STK3: variants seen among roughly 807,000 people sequenced by gnomAD.
The protein encoded by STK3 is serine/threonine-protein kinase 3.
Under a neutral mutation model 58.0 loss-of-function variants are expected in STK3, and 41 were observed. That is an observed-to-expected ratio of 0.71 (90% CI 0.55 to 0.92). STK3 has a LOEUF of 0.92. STK3 is among the 40% of genes least tolerant of loss of function. STK3 has a pLI of 0.00. For missense variants in STK3, 479 were observed against 602.7 expected, an observed-to-expected ratio of 0.79 and a Z score of 2.15; for synonymous variants, 170 against 191.0, an observed-to-expected ratio of 0.89 and a Z score of 0.91.
chr8:98,423,347 G>A (rs181065658), intron 3 of STK3, among the ~76,000 whole-genome samples: 1 of 152,364 alleles, frequency 6.6e-6, no homozygotes, highest in Admixed American at 6.5e-5. Flanking sequence ...GAACCGCCAT[G>A]CCAAGCAGGG....
Position 98,612,454 on chromosome 8 carries a change from T to A in STK3, c.685-16285A>T, listed in dbSNP as rs1010940748. 3.3e-5 allele frequency among the ~76,000 whole-genome samples: 5 copies of A among 149,286 alleles called. No individual in the cohort carries two copies. In the South Asian group the frequency reaches 1.0e-3, roughly 31 times the overall value. Reference sequence around the variant, plus strand: ...CATATATATCAATTCTATATATATATCAACCCATATATATAGAGAGATTCT... The same window carrying A: ...CATATATATCAATTCTATATATATAACAACCCATATATATAGAGAGATTCT... On this transcript the variant is annotated intron_variant, in intron 6 of 10. Transcript: ENST00000419617.
chr8:98,562,653 C>T (rs372530571), intron 8 of STK3, among the ~76,000 whole-genome samples: 10 of 143,678 alleles, frequency 7.0e-5, no homozygotes, highest in Admixed American at 3.0e-4. Flanking sequence ...AAGAGTGAAC[C>T]TACTGAGGCA....
chr8:98,472,166 C>T (rs149350313), intron 10 of STK3, among the ~76,000 whole-genome samples: 258 of 152,160 alleles, frequency 1.7e-3, no homozygotes, highest in African/African-American at 5.6e-3. Context: ...AAAATGTGGC[C>T]AGGATTTGAA....
At chr8:98,595,771 A>T in intron 7 of STK3, 1 of 322,498 alleles carries the variant, frequency 3.1e-6, no homozygotes, top group Non-Finnish European at 5.7e-6. Context: ...GAACAGAAGA[A>T]AAAAAAAACA....
chr8:98,349,817 C>A, the STK3 span, among the ~76,000 whole-genome samples: 1 of 152,152 alleles, frequency 6.6e-6, no homozygotes, highest in Non-Finnish European at 1.5e-5. Flanking sequence ...GGACACAGGG[C>A]ACCAAATCCC....
intron 1 of STK3, among the ~76,000 whole-genome samples, chr8:98,918,060 G>A (rs1839408394): frequency 6.6e-6 from 1 of 152,216 alleles, no homozygotes; most frequent in South Asian, 2.1e-4. Context: ...CAGTCTTTAA[G>A]AAGGGATAAT....
At chr8:98,876,888 T>C (rs1269678621) in intron 3 of STK3, among the ~76,000 whole-genome samples, 1 of 152,228 alleles carries the variant, frequency 6.6e-6, no homozygotes, top group African/African-American at 2.4e-5. Context: ...GGCAATGTGC[T>C]TGTAAATTTG....
intron 1 of STK3, among the ~76,000 whole-genome samples, chr8:98,888,030 T>C (rs764306643): frequency 1.3e-5 from 2 of 152,032 alleles, no homozygotes; most frequent in South Asian, 4.1e-4. Context: ...AAGTCTGAAC[T>C]ATTGGGGGCC....
chr8:98,744,099 G>A lies in STK3; in HGVS notation c.351+5177C>T, dbSNP rs1166660435. ...GGAAACAACAGGTGCTGGAGAGGAT[G>A]TGGAGAAATAGGAACACTTTTACAC... is the stretch of plus-strand genomic sequence containing the variant. On this transcript the variant is annotated intron_variant, in intron 4 of 10. Coordinates refer to ENST00000419617, the MANE Select transcript of STK3 (RefSeq NM_006281.4). Among the ~76,000 whole-genome samples, 24 of 152,260 alleles carry A rather than the reference G, an allele frequency of 1.6e-4. No individual in the cohort carries two copies. The East Asian group carries it at 4.5e-3, about 28-fold the overall frequency.
downstream of STK3, among the ~76,000 whole-genome samples, chr8:98,453,843 A>G (rs994997211): frequency 6.6e-6 from 1 of 152,204 alleles, no homozygotes; most frequent in African/African-American, 2.4e-5. Context: ...CAAATCAGGC[A>G]AGATATCGAA....
At chr8:98,813,326 T>C (rs1768858849) in intron 1 of STK3, among the ~76,000 whole-genome samples, 2 of 152,220 alleles carry the variant, frequency 1.3e-5, no homozygotes, top group Middle Eastern at 3.2e-3. Flanking sequence ...TGCTTCACTT[T>C]CTATCATTGT....
chr8:98,905,127 C>T lies in STK3; in HGVS notation c.-78-21293G>A, dbSNP rs1838840436. 5.5e-6 allele frequency: 8 copies of T among 1,445,140 alleles called. No individual in the cohort carries two copies. The South Asian group carries it at 6.8e-5, about 12-fold the overall frequency. The allele number at this position is 1,445,140 out of a possible 1,614,324, so 89.5% of individuals were successfully genotyped here. On this transcript the variant is annotated intron_variant, in intron 1 of 1. Transcript: ENST00000519420. Reference sequence around the variant, plus strand: ...AGTAAAGTCTGCCACACGACCCGTACGATCTACTGGGCACTCTTTGGACCA... The same window carrying T: ...AGTAAAGTCTGCCACACGACCCGTATGATCTACTGGGCACTCTTTGGACCA...
intron 1 of STK3, among the ~76,000 whole-genome samples, chr8:98,909,845 A>G (rs1426234687): frequency 1.3e-5 from 2 of 152,214 alleles, no homozygotes; most frequent in Non-Finnish European, 2.9e-5. Flanking sequence ...ATGTGGACAT[A>G]TGTTTTCATT....
chr8:98,638,463 C>T (rs1184777244), intron 6 of STK3: 2 of 152,168 alleles, frequency 1.3e-5, no homozygotes, highest in African/African-American at 2.4e-5. Flanking sequence ...CACTTACATA[C>T]GGCCAAATGA....
intron 3 of STK3, among the ~76,000 whole-genome samples, chr8:98,873,613 T>C (rs1264344682): frequency 6.6e-6 from 1 of 152,220 alleles, no homozygotes; most frequent in Admixed American, 6.5e-5. Context: ...TTGTCTCTTT[T>C]AATCTTTGTT....
At chr8:98,589,289 T>C (rs1190235802) in intron 7 of STK3, among the ~76,000 whole-genome samples, 2 of 152,242 alleles carry the variant, frequency 1.3e-5, no homozygotes, top group Admixed American at 6.5e-5. Flanking sequence ...GTGGATGTCC[T>C]TTCTGTTTGT....
At chr8:98,678,765 A>T (rs1205156370) in intron 6 of STK3, among the ~76,000 whole-genome samples, 1 of 152,214 alleles carries the variant, frequency 6.6e-6, no homozygotes, top group Non-Finnish European at 1.5e-5. Flanking sequence ...ATATATCAAA[A>T]TGTTAATGGT....
chr8:98,413,256 C>A (rs1818076049), intron 3 of STK3: 1 of 359,360 alleles, frequency 2.8e-6, no homozygotes, highest in Non-Finnish European at 5.5e-6. Context: ...CTCAAGTGAT[C>A]CACCTGCCTT....
intron 1 of STK3, among the ~76,000 whole-genome samples, chr8:98,797,038 G>C (rs1277363315): frequency 6.6e-6 from 1 of 152,232 alleles, no homozygotes; most frequent in Non-Finnish European, 1.5e-5. Context: ...CCTGTACTTT[G>C]AAGTTTTGAA....
Sources: gnomAD v4.1 joint callset for allele counts (sites outside exome capture counted in the v4.1 genomes callset) on GRCh38, gnomAD v4.1.1 for gene constraint, MANE v1.5 for transcripts, NCBI Gene and HGNC (gene_info 2026-07-23, HGNC 2026-07-21) for gene names.